SLC25A26: variants seen among roughly 807,000 people sequenced by gnomAD.
The protein encoded by SLC25A26 is mitochondrial S-adenosylmethionine carrier protein.
SLC25A26 carries 36 observed loss-of-function variants against 37.8 expected under a neutral mutation model. That is an observed-to-expected ratio of 0.95 (90% confidence interval 0.73 to 1.26). The LOEUF (loss-of-function observed/expected upper bound fraction) is 1.26. SLC25A26 is among the 50% of genes most tolerant of loss of function. The pLI, the probability that SLC25A26 is intolerant of heterozygous loss-of-function variation, is 0.00. For synonymous variants in SLC25A26, 129 were observed against 122.5 expected (o/e 1.05, Z -0.35); for missense variants, 390 against 331.1 (o/e 1.18, Z -1.38).
At chr3:66,350,008 C>T (rs1057508625) in intron 6 of SLC25A26, among the ~76,000 whole-genome samples, 5 of 152,136 alleles carry the variant, frequency 3.3e-5, no homozygotes, top group East Asian at 3.9e-4. Context: ...AACATCTGAA[C>T]GTACAATCAC....
At chr3:66,158,975 G>C (rs1028654519) in intron 1 of SLC25A26, among the ~76,000 whole-genome samples, 1 of 152,082 alleles carries the variant, frequency 6.6e-6, no homozygotes, top group Non-Finnish European at 1.5e-5. Flanking sequence ...AGGGGGAGGT[G>C]CTGAGGGACA....
Position 66,378,591 on chromosome 3 carries a change from C to CTG in SLC25A26, c.*784_*785insTG, listed in dbSNP as rs1700821593. ...AAGGCAGGATGAAATGGAAAGGTCA[C>CTG]CACACTTAGGGATTTTAGACCTTGA... On this transcript the variant is annotated 3_prime_UTR_variant, in exon 10 of 10. Coordinates refer to ENST00000354883, the MANE Select transcript of SLC25A26 (RefSeq NM_001379210.1). The CTG allele has an allele frequency of 6.6e-6, 1 of 152,432 alleles. No homozygotes were observed. Among genetic ancestry groups the CTG allele is most frequent in the South Asian group, 2.1e-4 (1 of 4,824 alleles). 9.4% of individuals were successfully genotyped at this position (152,432 alleles called of 1,614,324 possible).
At chr3:66,262,244 A>G (rs1287832840) in intron 4 of SLC25A26, 89 bp downstream of exon 4, 7 of 635,942 alleles carry the variant, frequency 1.1e-5, no homozygotes, top group African/African-American at 5.8e-5. Flanking sequence ...TAAGAGCCTT[A>G]GAGAAAACTT....
intron 5 of SLC25A26, among the ~76,000 whole-genome samples, chr3:66,287,969 G>A (rs930111402): frequency 1.3e-5 from 2 of 152,228 alleles, no homozygotes; most frequent in African/African-American, 4.8e-5. Context: ...TGTTACTGAA[G>A]TGGTGACCCA....
chr3:66,194,166 C>T (rs1173352440), intron 1 of SLC25A26, among the ~76,000 whole-genome samples: 2 of 152,216 alleles, frequency 1.3e-5, no homozygotes, highest in African/African-American at 4.8e-5. Flanking sequence ...GAATCAAAGC[C>T]TCTATGCCCC....
Position 66,283,054 on chromosome 3 carries a change from A to G in SLC25A26, c.453+19675A>G, listed in dbSNP as rs915654348. ...CCTTTTTATTGCAGGGTGGTATTCC[A>G]TTGTTAGGACGTATAGTGGAATACA... On this transcript the variant is annotated intron_variant, in intron 5 of 9. Transcript: ENST00000354883. Among the ~76,000 whole-genome samples, 14 of 152,116 alleles carry G rather than the reference A, an allele frequency of 9.2e-5. No homozygotes were observed. In the East Asian group the frequency reaches 2.7e-3, roughly 29 times the overall value.
chr3:66,190,792 A>G (rs1319102720), intron 1 of SLC25A26, among the ~76,000 whole-genome samples: 1 of 152,216 alleles, frequency 6.6e-6, no homozygotes, highest in East Asian at 1.9e-4. Context: ...ACATAAATAC[A>G]ATTTTCAATG....
intron 1 of SLC25A26, among the ~76,000 whole-genome samples, chr3:66,156,916 G>C (rs374241334): frequency 6.6e-6 from 1 of 151,986 alleles, no homozygotes; most frequent in Non-Finnish European, 1.5e-5. Context: ...ACTAACTTCA[G>C]GGCAGTTCCG....
At chr3:66,376,331 T>G (rs556339340) in intron 9 of SLC25A26, among the ~76,000 whole-genome samples, 22 of 152,208 alleles carry the variant, frequency 1.4e-4, no homozygotes, top group African/African-American at 5.1e-4. Context: ...GGTCCTACTG[T>G]GGGCAAAATG....
At chr3:66,149,513 A>T (rs1388540939) in intron 1 of SLC25A26, among the ~76,000 whole-genome samples, 2 of 152,200 alleles carry the variant, frequency 1.3e-5, no homozygotes, top group African/African-American at 4.8e-5. Flanking sequence ...TGACTAATAG[A>T]ACCTCCCATG....
chr3:66,141,283 G>A (rs145978652), intron 1 of SLC25A26, among the ~76,000 whole-genome samples: 74 of 150,690 alleles, frequency 4.9e-4, no homozygotes, highest in African/African-American at 1.8e-3. Flanking sequence ...TAATTTTCTC[G>A]AGCTGGGGTC....
intron 5 of SLC25A26, among the ~76,000 whole-genome samples, chr3:66,276,839 TGTC>T (rs2074165830): frequency 1.3e-5 from 2 of 151,842 alleles, no homozygotes; most frequent in Admixed American, 1.3e-4. Context: ...TTATTCAACT[TGTC>T]AGTGCAAAAC....
At chr3:66,299,708 C>T (rs1007444510) in intron 5 of SLC25A26, among the ~76,000 whole-genome samples, 1 of 152,078 alleles carries the variant, frequency 6.6e-6, no homozygotes, top group Non-Finnish European at 1.5e-5. Flanking sequence ...TCGAAATAAA[C>T]TGATTTGGAT....
intron 5 of SLC25A26, among the ~76,000 whole-genome samples, chr3:66,313,038 A>G (rs977943252): frequency 1.3e-5 from 2 of 152,136 alleles, no homozygotes; most frequent in Admixed American, 1.3e-4. Flanking sequence ...CCTTTGTCAG[A>G]TGGATGGATA....
intron 1 of SLC25A26, among the ~76,000 whole-genome samples, chr3:66,197,728 G>A (rs2071063738): frequency 6.6e-6 from 1 of 152,110 alleles, no homozygotes; most frequent in African/African-American, 2.4e-5. Context: ...TCAGTGTGAG[G>A]CTGAAGGTCA....
chr3:66,354,219 G>A (rs949956423), intron 6 of SLC25A26, among the ~76,000 whole-genome samples: 2 of 151,512 alleles, frequency 1.3e-5, no homozygotes, highest in African/African-American at 2.4e-5. Flanking sequence ...GTGGAGAACT[G>A]TTAAGAATAC....
chr3:66,250,447 A>G (rs2073037995), intron 3 of SLC25A26, among the ~76,000 whole-genome samples: 1 of 152,202 alleles, frequency 6.6e-6, no homozygotes. Context: ...CAAGAGTGAG[A>G]TGCATTCAGT....
chr3:66,182,856 A>T (rs2070742505), intron 1 of SLC25A26, among the ~76,000 whole-genome samples: 1 of 152,014 alleles, frequency 6.6e-6, no homozygotes, highest in Non-Finnish European at 1.5e-5. Flanking sequence ...AGCCTGAAGG[A>T]TGCAACTGGG....
At chr3:66,311,676 G>T (rs139785534) in intron 5 of SLC25A26, among the ~76,000 whole-genome samples, 1 of 151,976 alleles carries the variant, frequency 6.6e-6, no homozygotes, top group Admixed American at 6.6e-5. Flanking sequence ...GGGTTTTTGC[G>T]TGGGTGTCCT....
Sources: allele counts gnomAD v4.1 joint callset (sites outside exome capture counted in the v4.1 genomes callset), GRCh38; gene constraint gnomAD v4.1.1; transcripts MANE v1.5; gene names NCBI Gene and HGNC (gene_info 2026-07-23, HGNC 2026-07-21).